The following ZFAND6 variants were observed in gnomAD, a reference collection of about 807,000 sequenced individuals.
ZFAND6 encodes the protein AN1-type zinc finger protein 6.
Under a neutral mutation model 24.5 loss-of-function variants are expected in ZFAND6, and 12 were observed. That is an observed-to-expected ratio of 0.49 (90% CI 0.31 to 0.79). The LOEUF (loss-of-function observed/expected upper bound fraction) is 0.79. Ranked by LOEUF, ZFAND6 falls within the 30% of genes least tolerant of loss-of-function variation. The pLI, the probability that ZFAND6 is intolerant of heterozygous loss-of-function variation, is 0.04. For synonymous variants in ZFAND6, 92 were observed against 81.5 expected (o/e 1.13, Z -0.69); for missense variants, 207 against 245.9 (o/e 0.84, Z 1.06).
chr15:80,092,426 ACT>A (rs1264555452), intron 1 of ZFAND6, among the ~76,000 whole-genome samples: 5 of 152,194 alleles, frequency 3.3e-5, no homozygotes, highest in South Asian at 4.2e-4. Context: ...ACAGAGTGAG[ACT>A]CTGTCTCAAA....
intron 3 of ZFAND6, 81 bp downstream of exon 3, chr15:80,120,579 G>A: frequency 8.5e-7 from 1 of 1,180,798 alleles, no homozygotes; most frequent in East Asian, 2.8e-5. Context: ...ACCTTTTTCT[G>A]CTCTCACATT....
At chr15:80,119,983 A>G (rs1316034140) in intron 2 of ZFAND6, among the ~76,000 whole-genome samples, 1 of 152,220 alleles carries the variant, frequency 6.6e-6, no homozygotes, top group South Asian at 2.1e-4. Context: ...TATAATGTAT[A>G]TCTCTTATTA....
At position 80,068,463 on chromosome 15, in the gene ZFAND6, C is replaced by T. The variant is rs2036787006; in HGVS notation, c.-181+8654C>T. ...CTCGGCTAACTGCAGCCTCCAGCCC[C>T]CGGGTTCAAGTGATTCTCCTGCCTC... On this transcript the variant is annotated intron_variant, in intron 1 of 6. Coordinates refer to ENST00000261749, the MANE Select transcript of ZFAND6 (RefSeq NM_019006.4). 2.0e-5 allele frequency among the ~76,000 whole-genome samples: 3 copies of T among 152,100 alleles called. No individual in the cohort carries two copies. In the South Asian group the frequency reaches 6.2e-4, roughly 32 times the overall value.
chr15:80,136,680 T>C lies in ZFAND6; in HGVS notation c.479-800T>C, dbSNP rs143097763. On this transcript the variant is annotated intron_variant, in intron 6 of 6. Transcript: ENST00000261749. ...ACATCAAATATTAATGTTTAAAATA[T>C]TGATTCCTGTGCTCCATTTCTAACA... Among the ~76,000 whole-genome samples, 148 of 152,324 alleles carry C rather than the reference T, an allele frequency of 9.7e-4. 2 individuals carry two copies. Among genetic ancestry groups the C allele is most frequent in the African/African-American group, 3.4e-3 (141 of 41,572 alleles).
chr15:80,088,759 A>G (rs1211105056), intron 1 of ZFAND6, among the ~76,000 whole-genome samples: 1 of 152,210 alleles, frequency 6.6e-6, no homozygotes, highest in African/African-American at 2.4e-5. Context: ...CGTGTGCTGT[A>G]GATCATTGCT....
chr15:80,059,392 G>A (rs1363019691), upstream of ZFAND6, among the ~76,000 whole-genome samples: 3 of 152,234 alleles, frequency 2.0e-5, no homozygotes, highest in South Asian at 2.1e-4. Flanking sequence ...AACCGCGGCG[G>A]GAAGCGCCCC....
Position 80,122,742 on chromosome 15 carries a change from T to C in ZFAND6, c.306T>C (p.Ser102=). The C allele has an allele frequency of 1.9e-6, 3 of 1,613,760 alleles. No homozygotes were observed. Among genetic ancestry groups the C allele is most frequent in the African/African-American group, 1.3e-5 (1 of 75,048 alleles). ...CACTTTTATCAGAATCTGTAGCATC[T>C]TCTCAATTGGACAGTACATCTGTGG... ...NQSLLSESVA[S]SQLDSTSVDK... Residue 102 remains serine (S), a synonymous_variant, in exon 5 of 7, where the codon TCT becomes TCC. Transcript: ENST00000261749.
chr15:80,074,523 G>A (rs1156601805), intron 1 of ZFAND6, among the ~76,000 whole-genome samples: 1 of 151,810 alleles, frequency 6.6e-6, no homozygotes. Context: ...TCAAAAACAT[G>A]TATGAATAAC....
intron 1 of ZFAND6, among the ~76,000 whole-genome samples, chr15:80,082,942 G>A (rs544768818): frequency 1.3e-5 from 2 of 152,150 alleles, no homozygotes; most frequent in African/African-American, 4.8e-5. Flanking sequence ...AAAAATGATG[G>A]TGGACTGAGC....
At chr15:80,122,408 G>C (rs993422675) in intron 4 of ZFAND6, among the ~76,000 whole-genome samples, 1 of 151,900 alleles carries the variant, frequency 6.6e-6, no homozygotes, top group African/African-American at 2.4e-5. Flanking sequence ...TTTGTCTTAG[G>C]GTTCTTTAAG....
chr15:80,084,539 T>G (rs2037876622), intron 1 of ZFAND6, among the ~76,000 whole-genome samples: 1 of 152,178 alleles, frequency 6.6e-6, no homozygotes. Context: ...AAGGGTTAGA[T>G]GAGGAGTATT....
chr15:80,099,418 G>A (rs959543926), intron 2 of ZFAND6, among the ~76,000 whole-genome samples: 6 of 152,128 alleles, frequency 3.9e-5, no homozygotes, highest in African/African-American at 1.2e-4. Flanking sequence ...TGTAGACAGA[G>A]ACTTATAAAA....
At chr15:80,078,247 T>G (rs1285440055) in intron 1 of ZFAND6, among the ~76,000 whole-genome samples, 1 of 152,210 alleles carries the variant, frequency 6.6e-6, no homozygotes, top group Non-Finnish European at 1.5e-5. Context: ...GTGTTTATTG[T>G]TCTCATCTTT....
At chr15:80,066,399 G>T (rs776460053) in intron 1 of ZFAND6, among the ~76,000 whole-genome samples, 3 of 151,472 alleles carry the variant, frequency 2.0e-5, no homozygotes, top group Non-Finnish European at 4.4e-5. Flanking sequence ...TGCAACCTCT[G>T]CCTCCTGGGT....
At chr15:80,110,782 A>G (rs2039567302) in intron 2 of ZFAND6, among the ~76,000 whole-genome samples, 3 of 152,156 alleles carry the variant, frequency 2.0e-5, no homozygotes, top group African/African-American at 7.2e-5. Flanking sequence ...AGATATCCAT[A>G]TGGAGAAAAG....
intron 2 of ZFAND6, among the ~76,000 whole-genome samples, chr15:80,115,785 G>T (rs2039847063): frequency 6.6e-6 from 1 of 151,888 alleles, no homozygotes. Flanking sequence ...AGTTTGACTT[G>T]GGAAAATTGG....
chr15:80,109,346 G>A (rs2039493145), intron 2 of ZFAND6, among the ~76,000 whole-genome samples: 1 of 152,170 alleles, frequency 6.6e-6, no homozygotes, highest in Non-Finnish European at 1.5e-5. Context: ...AGTAAATTAA[G>A]ATTAGGATAA....
At chr15:80,106,957 A>G (rs549262301) in intron 2 of ZFAND6, among the ~76,000 whole-genome samples, 2 of 152,346 alleles carry the variant, frequency 1.3e-5, no homozygotes, top group South Asian at 2.1e-4. Flanking sequence ...TCACGCCTGT[A>G]ATCTCAGCAC....
chr15:80,061,073 G>C (rs2036307535), intron 1 of ZFAND6, among the ~76,000 whole-genome samples: 2 of 152,200 alleles, frequency 1.3e-5, no homozygotes. Flanking sequence ...CCAATTTTAA[G>C]GCACTTTCTG....
Sources: gnomAD v4.1 joint callset for allele counts (sites outside exome capture counted in the v4.1 genomes callset) on GRCh38, gnomAD v4.1.1 for gene constraint, MANE v1.5 for transcripts, NCBI Gene and HGNC (gene_info 2026-07-23, HGNC 2026-07-21) for gene names.